The following UBR3 variants were observed in gnomAD, a reference collection of about 807,000 sequenced individuals.
The protein encoded by UBR3 is ubiquitin protein ligase E3 component n-recognin 3, also known as E3 ubiquitin-protein ligase UBR3.
A neutral mutation model predicts 243.2 loss-of-function variants in UBR3; 85 were observed. The ratio of observed to expected loss-of-function variants is 0.35; its 90% CI spans 0.29 to 0.42. The LOEUF (loss-of-function observed/expected upper bound fraction) is 0.42. Among genes scored for constraint, UBR3 ranks in the 10% least tolerant of loss-of-function variants. The pLI is 1.00. For missense variants in UBR3, 1,686 were observed against 2,300.8 expected (o/e 0.73, Z 5.47); for synonymous variants, 748 against 799.8 (o/e 0.94, Z 1.09).
At chr2:169,852,874 A>C (rs1051532003) in intron 1 of UBR3, among the ~76,000 whole-genome samples, 991 of 82,716 alleles carry the variant, frequency 0.012, 28 homozygotes, top group African/African-American at 0.028. Flanking sequence ...AAAAAAAAAA[A>C]AAAACAAAAC....
chr2:169,845,533 C>CTTCTTCTTCT (rs1461367266), intron 1 of UBR3, among the ~76,000 whole-genome samples: 3 of 125,004 alleles, frequency 2.4e-5, no homozygotes, highest in East Asian at 2.2e-4. Flanking sequence ...TCGTCGTCGT[C>CTTCTTCTTCT]TTCTTCTTCT....
intron 24 of UBR3, chr2:169,964,629 T>C (rs2087727460): frequency 2.7e-6 from 1 of 373,770 alleles, no homozygotes; most frequent in South Asian, 2.2e-5. Flanking sequence ...AGGTGAGTTC[T>C]GGGTGAAAAA....
chr2:169,963,285 T>C (rs887866682), intron 24 of UBR3, among the ~76,000 whole-genome samples: 6 of 152,286 alleles, frequency 3.9e-5, no homozygotes, highest in African/African-American at 1.4e-4. Flanking sequence ...TTCTGCCTCA[T>C]GTGCTGATTC....
intron 5 of UBR3, among the ~76,000 whole-genome samples, chr2:169,881,951 T>C (rs1321888039): frequency 3.6e-5 from 4 of 112,608 alleles, no homozygotes; most frequent in Non-Finnish European, 7.4e-5. Flanking sequence ...ATTACATATG[T>C]ATGTATACAT....
At chr2:170,007,800 GT>G (rs1171676525) in intron 28 of UBR3, among the ~76,000 whole-genome samples, 1 of 152,098 alleles carries the variant, frequency 6.6e-6, no homozygotes, top group Non-Finnish European at 1.5e-5. Flanking sequence ...GGAGCCGGAG[GT>G]TGCAGGGAGC....
At chr2:170,077,521 G>T (rs2091834774) in intron 36 of UBR3, 5 of 927,496 alleles carry the variant, frequency 5.4e-6, no homozygotes, top group Non-Finnish European at 6.5e-6. Context: ...TAGTTTTCTT[G>T]TAAAGCCATC....
At chr2:169,938,225 C>G (rs1311448203) in intron 19 of UBR3, among the ~76,000 whole-genome samples, 2 of 150,354 alleles carry the variant, frequency 1.3e-5, no homozygotes, top group African/African-American at 4.9e-5. Flanking sequence ...TTCATATATT[C>G]TGAATACTAG....
intron 23 of UBR3, among the ~76,000 whole-genome samples, chr2:169,954,165 TTTGTCTTGTCTTGTC>T (rs77961475): frequency 0.018 from 2,489 of 140,848 alleles, 29 homozygotes; most frequent in Non-Finnish European, 0.021. Flanking sequence ...TAATGTTTGA[TTTGTCTTGTCTTGTC>T]TTGTCTTGTC....
At chr2:169,905,920 TA>T in intron 9 of UBR3, 110 bp from the exon 10 acceptor site, 1 of 1,163,654 alleles carries the variant, frequency 8.6e-7, no homozygotes, top group Non-Finnish European at 1.2e-6. Context: ...ACTGTGTCAG[TA>T]ATGCTATTTG....
intron 30 of UBR3, among the ~76,000 whole-genome samples, chr2:170,021,522 C>T (rs550605833): frequency 1.3e-5 from 2 of 152,216 alleles, no homozygotes; most frequent in East Asian, 3.9e-4. Context: ...ATGAGGGCTT[C>T]CTCGTGACCT....
chr2:170,029,591 A>T, intron 31 of UBR3, 143 bp downstream of exon 31: 1 of 650,950 alleles, frequency 1.5e-6, no homozygotes, highest in Non-Finnish European at 2.5e-6. Context: ...TAAGAATTGA[A>T]AACAGTTTAC....
intron 31 of UBR3, among the ~76,000 whole-genome samples, chr2:170,033,702 A>T (rs2090746387): frequency 6.6e-6 from 1 of 150,922 alleles, no homozygotes; most frequent in Non-Finnish European, 1.5e-5. Context: ...TAAAATTGAA[A>T]TATCTTTCTA....
intron 31 of UBR3, among the ~76,000 whole-genome samples, chr2:170,033,889 C>T (rs1226308875): frequency 2.0e-5 from 3 of 151,478 alleles, no homozygotes; most frequent in Admixed American, 1.3e-4. Flanking sequence ...TTAACTCTTC[C>T]ACCCATTTCC....
chr2:170,004,921 A>T (rs991076691), intron 27 of UBR3, among the ~76,000 whole-genome samples: 9 of 151,456 alleles, frequency 5.9e-5, no homozygotes, highest in African/African-American at 2.2e-4. Flanking sequence ...CAAAACAAAC[A>T]AACAAAAAGA....
intron 1 of UBR3, among the ~76,000 whole-genome samples, chr2:169,832,554 G>A (rs886904884): frequency 2.0e-5 from 3 of 149,586 alleles, no homozygotes; most frequent in Non-Finnish European, 4.5e-5. Context: ...GCGACAGAGC[G>A]TGACTCTGTC....
At chr2:169,944,114 A>G (rs1170419043) in intron 20 of UBR3, among the ~76,000 whole-genome samples, 3 of 152,198 alleles carry the variant, frequency 2.0e-5, no homozygotes, top group African/African-American at 7.2e-5. Context: ...CTGAAAAGAT[A>G]TTTGTATTTG....
chr2:169,883,098 A>G (rs1469107287), intron 5 of UBR3, among the ~76,000 whole-genome samples: 2 of 152,196 alleles, frequency 1.3e-5, no homozygotes, highest in Non-Finnish European at 2.9e-5. Flanking sequence ...TTTTGCTCAC[A>G]ATTTTATGAC....
At chr2:169,958,049 A>G (rs544978635) in intron 23 of UBR3, among the ~76,000 whole-genome samples, 2 of 152,020 alleles carry the variant, frequency 1.3e-5, no homozygotes, top group East Asian at 1.9e-4. Context: ...TCTTCTAGCA[A>G]TCAGTTTACT....
intron 10 of UBR3, among the ~76,000 whole-genome samples, chr2:169,911,976 G>A (rs932611802): frequency 6.6e-6 from 1 of 152,128 alleles, no homozygotes. Flanking sequence ...AGTGATTTCG[G>A]TCTGGATTGT....
Sources: gnomAD v4.1 joint callset for allele counts (sites outside exome capture counted in the v4.1 genomes callset) on GRCh38, gnomAD v4.1.1 for gene constraint, MANE v1.5 for transcripts, NCBI Gene and HGNC (gene_info 2026-07-23, HGNC 2026-07-21) for gene names.